Variants in USP37 observed in about 807,000 individuals in gnomAD.
The protein encoded by USP37 is ubiquitin carboxyl-terminal hydrolase 37.
A neutral mutation model predicts 124.0 loss-of-function variants in USP37; 27 were observed. The observed-to-expected ratio is 0.22, with a 90% CI of 0.16 to 0.30. The LOEUF is 0.30. Ranked by LOEUF, USP37 falls within the 10% of genes least tolerant of loss-of-function variation. USP37 has a pLI of 1.00. For missense variants in USP37, 889 were observed against 1,140.4 expected (o/e 0.78, Z 3.17); for synonymous variants, 365 against 388.0 (o/e 0.94, Z 0.70).
At chr2:218,483,522 G>A (rs1574863895) in intron 16 of USP37, among the ~76,000 whole-genome samples, 2 of 149,914 alleles carry the variant, frequency 1.3e-5, no homozygotes, top group South Asian at 4.2e-4. Flanking sequence ...CTAATATTAG[G>A]ATTTGACAAA....
At chr2:218,511,454 G>T (rs1271409284) in intron 10 of USP37, among the ~76,000 whole-genome samples, 2 of 152,148 alleles carry the variant, frequency 1.3e-5, no homozygotes, top group Non-Finnish European at 2.9e-5. Flanking sequence ...GACTACAGGC[G>T]TGCGCCACCA....
At chr2:218,470,063 A>G (rs566989728) in intron 20 of USP37, among the ~76,000 whole-genome samples, 1 of 151,762 alleles carries the variant, frequency 6.6e-6, no homozygotes, top group South Asian at 2.1e-4. Context: ...CTCGTGATCC[A>G]CCCACCTCAG....
At chr2:218,464,260 A>T (rs1192045696) in intron 21 of USP37, among the ~76,000 whole-genome samples, 1 of 151,152 alleles carries the variant, frequency 6.6e-6, no homozygotes, top group Non-Finnish European at 1.5e-5. Flanking sequence ...TTTGAGACAG[A>T]GTCTTGCTCT....
intron 8 of USP37, among the ~76,000 whole-genome samples, chr2:218,542,759 A>G (rs1692061104): frequency 6.6e-6 from 1 of 152,170 alleles, no homozygotes; most frequent in Non-Finnish European, 1.5e-5. Context: ...CTTAACTTAA[A>G]GCCTGTCTTT....
At chr2:218,553,472 A>G in intron 5 of USP37, 81 bp downstream of exon 5, 1 of 1,307,596 alleles carries the variant, frequency 7.6e-7, no homozygotes, top group Non-Finnish European at 1.0e-6. Context: ...GTGCTGATGA[A>G]TTCAGTTGAA....
intron 10 of USP37, among the ~76,000 whole-genome samples, chr2:218,526,688 T>A (rs1338098994): frequency 6.6e-6 from 1 of 152,086 alleles, no homozygotes; most frequent in Non-Finnish European, 1.5e-5. Context: ...TTTGCCAATT[T>A]CCTTGCCTTT....
chr2:218,553,118 T>C (rs558707670), intron 5 of USP37, among the ~76,000 whole-genome samples: 4 of 152,348 alleles, frequency 2.6e-5, no homozygotes, highest in African/African-American at 7.2e-5. Context: ...TCTAGTACTA[T>C]GTTAAATAGA....
chr2:218,498,149 T>C lies in USP37; in HGVS notation c.1034A>G (p.Asn345Ser), dbSNP rs202082348. 4 of 1,592,176 alleles carry C rather than the reference T, an allele frequency of 2.5e-6. No individual in the cohort carries two copies. Among genetic ancestry groups the C allele is most frequent in the Non-Finnish European group, 3.4e-6 (4 of 1,174,174 alleles). Residue 345 changes from asparagine to serine, a missense_variant, in exon 12 of 26, where the codon AAT (asparagine) becomes AGT (serine). This residue lies in a region of USP37 where 11 missense variants were observed against 40.1 expected (regional missense o/e 0.27). Transcript: ENST00000258399. ...HQQQQLQGFS[N>S]LGNTCYMNAI... Reference sequence around the variant, plus strand: ...ATTCATATAGCAGGTATTTCCCAAATTGGAGAAGCTGAAAATTAAAGAAAT... The same window carrying C: ...ATTCATATAGCAGGTATTTCCCAAACTGGAGAAGCTGAAAATTAAAGAAAT...
intron 11 of USP37, among the ~76,000 whole-genome samples, chr2:218,509,696 A>C (rs1054138536): frequency 2.0e-5 from 3 of 152,178 alleles, no homozygotes; most frequent in Admixed American, 6.5e-5. Context: ...ATATATAAAA[A>C]ATGTTGAAAG....
intron 22 of USP37, among the ~76,000 whole-genome samples, chr2:218,460,227 C>A (rs1312628903): frequency 2.7e-5 from 4 of 150,834 alleles, no homozygotes; most frequent in Non-Finnish European, 5.9e-5. Context: ...CATTGTACTC[C>A]AGCCTGGGCA....
At chr2:218,504,187 T>C (rs558454579) in intron 11 of USP37, among the ~76,000 whole-genome samples, 2 of 152,214 alleles carry the variant, frequency 1.3e-5, no homozygotes, top group Non-Finnish European at 2.9e-5. Context: ...TGGCCTAATA[T>C]ACAAATTTCT....
chr2:218,460,449 T>G (rs1689954837), intron 22 of USP37, among the ~76,000 whole-genome samples: 1 of 152,208 alleles, frequency 6.6e-6, no homozygotes, highest in Non-Finnish European at 1.5e-5. Flanking sequence ...TTAAATATAT[T>G]TATATGATAA....
chr2:218,521,887 A>G (rs1261942455), intron 10 of USP37, among the ~76,000 whole-genome samples: 1 of 152,002 alleles, frequency 6.6e-6, no homozygotes, highest in African/African-American at 2.4e-5. Flanking sequence ...TGTCTTTTCC[A>G]GTTTTGAGAC....
At chr2:218,564,910 A>G (rs553785980) in intron 1 of USP37, among the ~76,000 whole-genome samples, 3 of 152,266 alleles carry the variant, frequency 2.0e-5, no homozygotes, top group East Asian at 3.9e-4. Flanking sequence ...AAAAATTATT[A>G]TATTTTAATA....
At chr2:218,476,724 C>T in intron 19 of USP37, 116 bp downstream of exon 19, 2 of 1,154,360 alleles carry the variant, frequency 1.7e-6, no homozygotes, top group Non-Finnish European at 2.3e-6. Flanking sequence ...TTTCTGTAGC[C>T]AGAGAAGGCA....
chr2:218,536,580 G>A (rs1395719441), intron 8 of USP37, among the ~76,000 whole-genome samples: 4 of 152,212 alleles, frequency 2.6e-5, no homozygotes, highest in Non-Finnish European at 5.9e-5. Context: ...TCAGGATGAA[G>A]ACTAACCTTC....
intron 14 of USP37, among the ~76,000 whole-genome samples, chr2:218,489,122 C>G (rs543029587): frequency 4.5e-4 from 69 of 151,724 alleles, no homozygotes; most frequent in South Asian, 1.5e-3. Context: ...CTTTGGGAGG[C>G]CAAGGTGGGT....
chr2:218,455,775 C>T lies in USP37; in HGVS notation c.2714-57G>A, dbSNP rs193061495. The T allele has an allele frequency of 3.9e-3, 6,125 of 1,560,820 alleles. 13 individuals carry two copies. Among genetic ancestry groups the T allele is most frequent in the Non-Finnish European group, 5.0e-3 (5,750 of 1,148,398 alleles). On this transcript the variant is annotated intron_variant, in intron 24 of 25. Coordinates refer to ENST00000258399, the MANE Select transcript of USP37 (RefSeq NM_020935.3). The stretch of plus-strand genomic sequence containing the variant: ...TTTAAAAACACACCGAAGCTGGGCG[C>T]GATGGCTCACGCCTGTAATCTCAGC...
chr2:218,479,675 T>C lies in USP37; in HGVS notation c.1876A>G (p.Ile626Val), dbSNP rs766590283. 3.7e-6 allele frequency: 6 copies of C among 1,612,676 alleles called. No individual in the cohort carries two copies. Among genetic ancestry groups the C allele is most frequent in the South Asian group, 3.3e-5 (3 of 91,020 alleles). ...TTTGAAGGTGTAGAAGGGCTGGTGATGCAGGAATTCACCATTTGAGAGGCT... is the reference window on the plus strand; with the variant it reads ...TTTGAAGGTGTAGAAGGGCTGGTGACGCAGGAATTCACCATTTGAGAGGCT... ...LKASQMVNSC[I>V]TSPSTPSKKF... Residue 626 changes from isoleucine (I) to valine (V), a missense_variant, in exon 18 of 26, where the codon ATC becomes GTC. Ile to Val is a conservative substitution (Grantham distance 29, BLOSUM62 3). Around this residue, in one of 3 missense-constraint regions of USP37, gnomAD observed 504 missense variants for 714.3 expected, o/e 0.71. Coordinates refer to ENST00000258399, the MANE Select transcript of USP37 (RefSeq NM_020935.3).
Sources: allele counts gnomAD v4.1 joint callset (sites outside exome capture counted in the v4.1 genomes callset), GRCh38; gene constraint gnomAD v4.1.1; regional missense constraint gnomAD v4.1.1; transcripts MANE v1.5; gene names NCBI Gene and HGNC (gene_info 2026-07-23, HGNC 2026-07-21).